The following ARSB variants were observed in gnomAD, a reference collection of about 807,000 sequenced individuals.
The protein encoded by ARSB is N-acetylgalactosamine-4-sulfatase.
ARSB carries 41 observed loss-of-function variants against 50.9 expected under a neutral mutation model. The observed-to-expected ratio is 0.81, with a 90% CI of 0.63 to 1.04. ARSB has a LOEUF of 1.04. Among genes scored for constraint, ARSB ranks in the 50% least tolerant of loss-of-function variants. The pLI is 0.00. For missense variants in ARSB, 672 were observed against 693.3 expected, an observed-to-expected ratio of 0.97 and a Z score of 0.35; for synonymous variants, 269 against 284.8, an observed-to-expected ratio of 0.94 and a Z score of 0.56.
At chr5:78,837,268 T>G (rs933173240) in intron 6 of ARSB, among the ~76,000 whole-genome samples, 5 of 152,216 alleles carry the variant, frequency 3.3e-5, no homozygotes, top group Non-Finnish European at 7.3e-5. Flanking sequence ...ATATTCCACA[T>G]ATCCCCTAGA....
At chr5:78,923,015 C>G (rs1379835437) in intron 4 of ARSB, among the ~76,000 whole-genome samples, 1 of 152,148 alleles carries the variant, frequency 6.6e-6, no homozygotes, top group African/African-American at 2.4e-5. Flanking sequence ...TAAGGAAACG[C>G]TTTTTGAAAT....
At chr5:78,939,755 T>C (rs1181646784) in intron 4 of ARSB, among the ~76,000 whole-genome samples, 2 of 152,212 alleles carry the variant, frequency 1.3e-5, no homozygotes, top group Non-Finnish European at 2.9e-5. Flanking sequence ...TGTGCATGTG[T>C]CTTTATAGCA....
intron 1 of ARSB, among the ~76,000 whole-genome samples, chr5:78,984,032 G>A (rs759895577): frequency 3.9e-5 from 6 of 152,110 alleles, no homozygotes; most frequent in Non-Finnish European, 7.3e-5. Context: ...TTCAGATTGA[G>A]GGGAAAAAAG....
At position 78,841,168 on chromosome 5, in the gene ARSB, C is replaced by CTAA. The variant is rs1554074343; in HGVS notation, c.1143-1745_1143-1743dup. On this transcript the variant is annotated intron_variant, in intron 5 of 7. Transcript: ENST00000264914. ...ACTACTACTACTACTACTACTACTA[C>CTAA]TAATAATAATAATAATTTGAGCATG... Among the ~76,000 whole-genome samples, 883 of 132,004 alleles carry CTAA rather than the reference C, an allele frequency of 6.7e-3. 5 individuals are homozygous for CTAA. The highest frequency in any genetic ancestry group is 0.015 in the African/African-American group (526 of 35,056). 86.6% of individuals were successfully genotyped at this position (132,004 alleles called of 152,430 possible). A position where few individuals can be genotyped will look rare whatever the true frequency, so the allele number is the denominator to read the frequency against.
intron 6 of ARSB, among the ~76,000 whole-genome samples, chr5:78,837,511 T>C (rs1745003941): frequency 6.6e-6 from 1 of 152,160 alleles, no homozygotes; most frequent in African/African-American, 2.4e-5. Context: ...TAGCACCTTC[T>C]AGAAGGGGTT....
intron 5 of ARSB, among the ~76,000 whole-genome samples, chr5:78,853,446 T>G (rs1745953150): frequency 6.6e-6 from 1 of 152,218 alleles, no homozygotes; most frequent in Non-Finnish European, 1.5e-5. Context: ...CCCGGCCGTG[T>G]GAGGTGTCAG....
At chr5:78,983,575 C>T (rs1753012611) in intron 1 of ARSB, among the ~76,000 whole-genome samples, 1 of 152,136 alleles carries the variant, frequency 6.6e-6, no homozygotes, top group African/African-American at 2.4e-5. Context: ...GTGAGATTTA[C>T]ACAATGTAGG....
At chr5:78,920,687 T>G (rs886995690) in intron 4 of ARSB, among the ~76,000 whole-genome samples, 15 of 152,052 alleles carry the variant, frequency 9.9e-5, no homozygotes, top group Non-Finnish European at 2.1e-4. Flanking sequence ...CCCATAGAGC[T>G]CTGCACATCT....
rs535328965 is a variant in ARSB, at chr5:78,848,561, G to C, written c.1143-9135C>G. ...TGTCTTTATAGCAGCATGATTTATA[G>C]TCCTTTGGGTATATACCCCGTAATG... On this transcript the variant is annotated intron_variant, in intron 5 of 7. Coordinates refer to ENST00000264914, the MANE Select transcript of ARSB (RefSeq NM_000046.5). Among the ~76,000 whole-genome samples the C allele has an allele frequency of 9.9e-3, 1,498 of 151,372 alleles. 22 individuals carry two copies. The highest frequency in any genetic ancestry group is 0.034 in the African/African-American group (1,401 of 40,790).
At chr5:78,853,066 A>C (rs989343565) in intron 5 of ARSB, among the ~76,000 whole-genome samples, 1 of 152,212 alleles carries the variant, frequency 6.6e-6, no homozygotes, top group African/African-American at 2.4e-5. Flanking sequence ...TCGTCAAAGT[A>C]ATTCTCCGTC....
chr5:78,815,159 T>C (rs1023902448), intron 6 of ARSB, among the ~76,000 whole-genome samples: 1 of 150,908 alleles, frequency 6.6e-6, no homozygotes, highest in Non-Finnish European at 1.5e-5. Context: ...TAAAGCATTA[T>C]TTTAAAGAGA....
At chr5:78,927,323 A>G (rs1750100741) in intron 4 of ARSB, among the ~76,000 whole-genome samples, 1 of 152,244 alleles carries the variant, frequency 6.6e-6, no homozygotes, top group African/African-American at 2.4e-5. Flanking sequence ...GCACATCTCA[A>G]TTCAACTTTA....
chr5:78,930,668 T>C (rs1249510908), intron 4 of ARSB, among the ~76,000 whole-genome samples: 6 of 152,242 alleles, frequency 3.9e-5, no homozygotes, highest in Non-Finnish European at 5.9e-5. Context: ...GATTGTTCTG[T>C]AAGAAAGGAA....
chr5:78,817,578 A>C (rs1744047362), intron 6 of ARSB, among the ~76,000 whole-genome samples: 1 of 151,656 alleles, frequency 6.6e-6, no homozygotes, highest in African/African-American at 2.4e-5. Context: ...GGAGGCCAAG[A>C]GGGGTGAATC....
In ARSB at chr5:78,964,417, T is replaced by C. The variant is rs148803852; in HGVS notation, c.689A>G (p.Lys230Arg). The C allele has an allele frequency of 2.5e-6, 4 of 1,613,804 alleles. No homozygotes were observed. In the African/African-American group the frequency reaches 5.3e-5, roughly 21 times the overall value. The change falls in exon 3 of 8, where the codon AAG becomes AGG. Residue 230 changes from lysine to arginine, a missense_variant and splice_region_variant. Lys to Arg is a conservative substitution (Grantham distance 26, BLOSUM62 2). Coordinates refer to ENST00000264914, the MANE Select transcript of ARSB (RefSeq NM_000046.5). Reference protein sequence around the residue: ...IALITNHPPEKPLFLYLALQS... With the variant: ...IALITNHPPERPLFLYLALQS... The stretch of plus-strand genomic sequence containing the variant: ...TCAGTAAATAGAAGCAAAACTTACC[T>C]TCTCTGGTGGATGGTTAGTTATGAG...
chr5:78,905,108 C>A (rs1448784289), intron 4 of ARSB, among the ~76,000 whole-genome samples: 1 of 152,132 alleles, frequency 6.6e-6, no homozygotes, highest in Non-Finnish European at 1.5e-5. Context: ...TTTTTCAGTT[C>A]TATAATTTTC....
chr5:78,901,001 G>A (rs1440175757), intron 4 of ARSB, among the ~76,000 whole-genome samples: 2 of 147,664 alleles, frequency 1.4e-5, no homozygotes, highest in African/African-American at 5.1e-5. Context: ...AGCCGAGATC[G>A]CGCCACTGCC....
Position 78,955,463 on chromosome 5 carries a change from G to C in ARSB, c.730C>G (p.Pro244Ala). 1.9e-6 allele frequency: 3 copies of C among 1,614,174 alleles called. No homozygotes were observed. The Admixed American group carries it at 5.0e-5, about 27-fold the overall frequency. The part of the protein sequence containing the change: ...LYLALQSVHE[P>A]LQVPEEYLKP... Reference sequence around the variant, plus strand: ...AAGTATTCCTCAGGGACCTGAAGGGGCTCATGCACAGACTGGAGAGCAAGG... The same window carrying C: ...AAGTATTCCTCAGGGACCTGAAGGGCCTCATGCACAGACTGGAGAGCAAGG... Residue 244 changes from proline to alanine, a missense_variant, in exon 4 of 8, where the codon CCC becomes GCC. Physicochemically the swap from Pro to Ala is conservative, Grantham distance 27. Coordinates refer to ENST00000264914, the MANE Select transcript of ARSB (RefSeq NM_000046.5).
intron 6 of ARSB, among the ~76,000 whole-genome samples, chr5:78,794,909 T>C (rs1415411641): frequency 5.3e-5 from 8 of 152,122 alleles, no homozygotes; most frequent in African/African-American, 1.9e-4. Context: ...AGCAGCAAGA[T>C]TGAGATCCCT....
Sources: allele counts gnomAD v4.1 joint callset (sites outside exome capture counted in the v4.1 genomes callset), GRCh38; gene constraint gnomAD v4.1.1; transcripts MANE v1.5; gene names NCBI Gene and HGNC (gene_info 2026-07-23, HGNC 2026-07-21).